Variants in HLA-DPA1 observed in about 807,000 individuals in gnomAD.
HLA-DPA1 encodes HLA class II histocompatibility antigen, DP alpha 1 chain.
A neutral mutation model predicts 21.5 loss-of-function variants in HLA-DPA1; 20 were observed. That is an observed-to-expected ratio of 0.93 (90% CI 0.66 to 1.35). The LOEUF is 1.35. Among genes scored for constraint, HLA-DPA1 ranks in the 40% most tolerant of loss-of-function variants. The pLI is 0.00. For missense variants in HLA-DPA1, 279 were observed against 323.0 expected (o/e 0.86, Z 1.05); for synonymous variants, 123 against 129.6 (o/e 0.95, Z 0.35).
intron 1 of HLA-DPA1, among the ~76,000 whole-genome samples, chr6:33,077,183 C>G (rs1410669259): frequency 6.7e-6 from 1 of 150,096 alleles, no homozygotes; most frequent in Non-Finnish European, 1.5e-5. Context: ...GGTTTTTTGT[C>G]CTTGCAATAG....
At chr6:33,076,501 G>T (rs895716287) in intron 1 of HLA-DPA1, among the ~76,000 whole-genome samples, 1 of 152,144 alleles carries the variant, frequency 6.6e-6, no homozygotes, top group Non-Finnish European at 1.5e-5. Context: ...AGCCTGGAGG[G>T]GACTCAGGCA....
chr6:33,076,716 G>A lies in HLA-DPA1; in HGVS notation c.-99-3047C>T, dbSNP rs117609201. Reference sequence around the variant, plus strand: ...CCCAGCCTCCCCAGAACTTGGTTAGGGTACTAGAGTGGGTTGCGACTTGTA... The same window carrying A: ...CCCAGCCTCCCCAGAACTTGGTTAGAGTACTAGAGTGGGTTGCGACTTGTA... On this transcript the variant is annotated intron_variant, in intron 1 of 5. Transcript: ENST00000419277. Among the ~76,000 whole-genome samples, 214 of 152,264 alleles carry A rather than the reference G, an allele frequency of 1.4e-3. 1 individual carries two copies. The East Asian group carries it at 0.026, about 18-fold the overall frequency.
At chr6:33,067,079 A>T (rs1026645639) in intron 5 of HLA-DPA1, 3 of 152,190 alleles carry the variant, frequency 2.0e-5, no homozygotes, top group Admixed American at 2.0e-4. Flanking sequence ...CATTCCAGGG[A>T]TGCAGGTCAG....
exon 3 of HLA-DPA1, chr6:33,069,886 G>A (rs768226887): frequency 1.2e-5 from 19 of 1,608,084 alleles, no homozygotes; most frequent in South Asian, 4.4e-5. Context: ...CACATGGTCC[G>A]CTGCATAAAG....
upstream of HLA-DPA1, chr6:33,080,734 G>C (rs934444166): frequency 6.2e-7 from 1 of 1,613,462 alleles, no homozygotes; most frequent in Admixed American, 1.7e-5. This position sits in a 1 kb window ranked among gnomAD's most constrained non-coding sequence, Gnocchi z 4.3. Context: ...GCGCTTCCTG[G>C]AGAGATACAT....
exon 5 of HLA-DPA1, chr6:33,068,654 A>C: frequency 6.2e-7 from 1 of 1,611,678 alleles, no homozygotes; most frequent in Non-Finnish European, 8.5e-7. Context: ...AGTATTTCAC[A>C]GGGTCCCCTG....
chr6:33,066,565 G>T (rs1392183034), intron 5 of HLA-DPA1: 1 of 152,210 alleles, frequency 6.6e-6, no homozygotes, highest in African/African-American at 2.4e-5. Flanking sequence ...AAATACAGTT[G>T]ATGGACTTCA....
rs144280705 is a variant in HLA-DPA1 at position 33,068,866 on chromosome 6, G to C, written c.629-62C>G. The C allele has an allele frequency of 1.3e-3, 2,059 of 1,580,618 alleles. 33 individuals are homozygous for C. The East Asian group carries it at 0.014, about 11-fold the overall frequency. On this transcript the variant is annotated intron_variant, in intron 4 of 5. Transcript: ENST00000419277. ...AGTGAGGGTGGTGATGGCCTGGGATGGTTGTGGGAATTGAAGGTTATGGAC... is the reference window on the plus strand; with the variant it reads ...AGTGAGGGTGGTGATGGCCTGGGATCGTTGTGGGAATTGAAGGTTATGGAC...
chr6:33,069,536 A>G, intron 3 of HLA-DPA1, 105 bp downstream of exon 2: 2 of 1,391,642 alleles, frequency 1.4e-6, no homozygotes, highest in South Asian at 1.3e-5. Context: ...GGGGAAGAGG[A>G]TCACACAGCA....
intron 2 of HLA-DPA1, among the ~76,000 whole-genome samples, chr6:33,070,193 C>T: frequency 6.6e-6 from 1 of 152,176 alleles, no homozygotes; most frequent in East Asian, 1.9e-4. Context: ...ACAATGACAG[C>T]TAACATTTGT....
rs67786321 is a variant in HLA-DPA1 at position 33,065,613 on chromosome 6, A to T, written c.*13-266T>A. On this transcript the variant is annotated intron_variant, in intron 5 of 5. Coordinates refer to ENST00000419277, the Ensembl canonical transcript of HLA-DPA1. Reference sequence around the variant, plus strand: ...CATGCTTCATGTCTCCAAAATATACAGACAAGGGGAAGGGCCACATTACTG... The same window carrying T: ...CATGCTTCATGTCTCCAAAATATACTGACAAGGGGAAGGGCCACATTACTG... The T allele has an allele frequency of 0.29, 43,814 of 151,866 alleles. 8,333 individuals carry two copies. The highest frequency in any genetic ancestry group is 0.69 in the East Asian group (3,512 of 5,124). The allele number at this position is 151,866 out of a possible 1,614,324, so 9.4% of individuals were successfully genotyped here. A position where few individuals can be genotyped will look rare whatever the true frequency, so the allele number is the denominator to read the frequency against.
At chr6:33,076,037 G>A in intron 1 of HLA-DPA1, 1 of 1,609,764 alleles carries the variant, frequency 6.2e-7, no homozygotes, top group Non-Finnish European at 8.5e-7. Flanking sequence ...TCCTTTTCCA[G>A]CTCCATGATG....
At position 33,075,295 on chromosome 6, in the gene HLA-DPA1, C is replaced by T. The variant is rs140707817; in HGVS notation, c.-99-1626G>A. Among the ~76,000 whole-genome samples, 543 of 152,258 alleles carry T rather than the reference C, an allele frequency of 3.6e-3. 3 individuals are homozygous for T. The highest frequency in any genetic ancestry group is 0.026 in the East Asian group (133 of 5,188). On this transcript the variant is annotated intron_variant, in intron 1 of 5. Coordinates refer to ENST00000419277, the Ensembl canonical transcript of HLA-DPA1. ...CATCCCCATATTGAAGACAAGGAAT[C>T]GAAGTCCAAGAGAGGCAGTGTCGTT... is the stretch of plus-strand genomic sequence containing the variant.
chr6:33,069,104 G>T lies in HLA-DPA1; in HGVS notation c.543C>A (p.Tyr181Ter). ...CCTCTGCTGAGGGCACAAAGGTCAG[G>T]TAATGGAACTTGTGGAAGCTGTAAT... The change falls in exon 4 of 6, where the codon TAC becomes TAA. Residue 181 changes from tyrosine (Y) to a stop codon, truncating the protein, a stop_gained. Transcript: ENST00000419277. LOFTEE classifies it high-confidence loss of function. 1 of 1,613,060 alleles carries T rather than the reference G, an allele frequency of 6.2e-7. No individual in the cohort carries two copies. The highest frequency in any genetic ancestry group is 8.5e-7 in the Non-Finnish European group (1 of 1,180,006).
chr6:33,074,596 G>A lies in HLA-DPA1; in HGVS notation c.-99-927C>T, dbSNP rs144425544. 3.5e-3 allele frequency among the ~76,000 whole-genome samples: 534 copies of A among 152,132 alleles called. 4 individuals are homozygous for A. Among genetic ancestry groups the A allele is most frequent in the East Asian group, 0.025 (128 of 5,184 alleles). ...TGTAATGATGAAGTACATATATTAC[G>A]TTAATATTTTATCTTATTTGTGGTA... On this transcript the variant is annotated intron_variant, in intron 1 of 5. Transcript: ENST00000419277.
At chr6:33,068,728 G>A (rs1042434) in exon 5 of HLA-DPA1, 27 of 1,612,610 alleles carry the variant, frequency 1.7e-5, no homozygotes, top group Non-Finnish European at 2.3e-5. Context: ...CGATGATGCC[G>A]ACTAGGCCCA....
At chr6:33,067,008 G>A (rs9469331) in intron 5 of HLA-DPA1, 48,716 of 152,050 alleles carry the variant, frequency 0.32, 10,932 homozygotes, top group East Asian at 0.69. Context: ...GATGAGCAGT[G>A]TTTAGTCAAA....
chr6:33,068,496 C>T, intron 5 of HLA-DPA1, 142 bp downstream of exon 4: 1 of 644,680 alleles, frequency 1.6e-6, no homozygotes, highest in Non-Finnish European at 2.7e-6. Context: ...ATATTAACTA[C>T]TCAGTTAGTT....
exon 3 of HLA-DPA1, chr6:33,069,824 A>G: frequency 1.2e-6 from 2 of 1,610,606 alleles, no homozygotes; most frequent in East Asian, 4.5e-5. Flanking sequence ...TCAAATTCAA[A>G]CATAAACTCC....
Sources: gnomAD v4.1 joint callset for allele counts (sites outside exome capture counted in the v4.1 genomes callset) on GRCh38, gnomAD v4.1.1 for gene constraint, Gnocchi (gnomAD v3.1) non-coding constraint, MANE v1.5 for transcripts, NCBI Gene and HGNC (gene_info 2026-07-23, HGNC 2026-07-21) for gene names.